The following CDH18 variants were observed in gnomAD, a reference collection of about 807,000 sequenced individuals.
CDH18 encodes cadherin 18.
CDH18 carries 31 observed loss-of-function variants against 67.9 expected under a neutral mutation model. The observed-to-expected ratio is 0.46, with a 90% CI of 0.34 to 0.62. The LOEUF is 0.62. CDH18 is among the 20% of genes least tolerant of loss of function. The probability of loss-of-function intolerance (pLI) is 0.01; values close to 1 mark genes in which losing one functional copy is unlikely to be tolerated. For synonymous variants in CDH18, 362 were observed against 347.2 expected, an observed-to-expected ratio of 1.04 and a Z score of -0.48; for missense variants, 890 against 975.5, an observed-to-expected ratio of 0.91 and a Z score of 1.17.
At chr5:20,435,005 C>A (rs945569072) in intron 1 of CDH18, among the ~76,000 whole-genome samples, 1 of 152,024 alleles carries the variant, frequency 6.6e-6, no homozygotes, top group African/African-American at 2.4e-5. Flanking sequence ...TGTCTTCAAG[C>A]AAGCTATTTT....
intron 2 of CDH18, among the ~76,000 whole-genome samples, chr5:19,908,066 A>G (rs1218876534): frequency 6.6e-6 from 1 of 150,668 alleles, no homozygotes; most frequent in African/African-American, 2.5e-5. Flanking sequence ...CTAGTCTTCT[A>G]TTTGCTTTGT....
chr5:20,383,704 G>T (rs944704558), intron 1 of CDH18, among the ~76,000 whole-genome samples: 2 of 151,872 alleles, frequency 1.3e-5, no homozygotes, highest in Non-Finnish European at 2.9e-5. Flanking sequence ...TATTTTCTTA[G>T]AAACCAAAGA....
intron 3 of CDH18, among the ~76,000 whole-genome samples, chr5:19,748,134 G>GAAAAAAAAAAAAAAAAAAA (rs1554022366): frequency 1.5e-5 from 1 of 67,136 alleles, no homozygotes; most frequent in Non-Finnish European, 2.6e-5. Flanking sequence ...AAAAAAAAAA[G>GAAAAAAAAAAAAAAAAAAA]AGTACTTTTT....
At chr5:19,509,124 C>T (rs1289827302) in intron 10 of CDH18, among the ~76,000 whole-genome samples, 5 of 152,030 alleles carry the variant, frequency 3.3e-5, no homozygotes, top group African/African-American at 7.2e-5. Context: ...CCTCCTTGGC[C>T]TCCCAAAATA....
At chr5:20,124,363 C>G (rs530996002) in intron 2 of CDH18, among the ~76,000 whole-genome samples, 8 of 152,156 alleles carry the variant, frequency 5.3e-5, no homozygotes, top group East Asian at 3.8e-4. Context: ...GCACAGCATG[C>G]CTTTCCATCT....
intron 6 of CDH18, among the ~76,000 whole-genome samples, chr5:19,602,152 T>C (rs1033987361): frequency 1.3e-5 from 2 of 152,030 alleles, no homozygotes; most frequent in African/African-American, 4.8e-5. Context: ...AAGGAAGTAA[T>C]ACAATTATCT....
chr5:20,044,483 T>G (rs1397271013), intron 2 of CDH18, among the ~76,000 whole-genome samples: 2 of 152,166 alleles, frequency 1.3e-5, no homozygotes, highest in Non-Finnish European at 2.9e-5. Flanking sequence ...TCAGTTCTAC[T>G]ATGCTAATTT....
intron 2 of CDH18, among the ~76,000 whole-genome samples, chr5:20,070,566 T>C (rs1418055305): frequency 6.6e-6 from 1 of 152,086 alleles, no homozygotes; most frequent in Non-Finnish European, 1.5e-5. Flanking sequence ...GGCAAACAAT[T>C]AATGGGGTGC....
At chr5:19,781,702 A>G (rs1414730606) in intron 3 of CDH18, among the ~76,000 whole-genome samples, 1 of 152,172 alleles carries the variant, frequency 6.6e-6, no homozygotes, top group African/African-American at 2.4e-5. Flanking sequence ...AGTTTCTAGC[A>G]TACAAATTAA....
chr5:19,905,519 C>T (rs1021619377), intron 2 of CDH18, among the ~76,000 whole-genome samples: 34 of 151,572 alleles, frequency 2.2e-4, no homozygotes, highest in South Asian at 2.1e-4. Flanking sequence ...TATATGTATA[C>T]GTATGATTAG....
At chr5:20,194,349 G>T (rs560833481) in intron 2 of CDH18, among the ~76,000 whole-genome samples, 3 of 151,980 alleles carry the variant, frequency 2.0e-5, no homozygotes, top group African/African-American at 4.8e-5. Context: ...GTCTTGACTC[G>T]AACTGTGGGG....
In CDH18 at chr5:20,121,717, C is replaced by G. The variant is rs570391622; in HGVS notation, c.-517-129703G>C. Among the ~76,000 whole-genome samples, 6 of 152,244 alleles carry G rather than the reference C, an allele frequency of 3.9e-5. No individual in the cohort carries two copies. The East Asian group carries it at 9.7e-4, about 24-fold the overall frequency. On this transcript the variant is annotated intron_variant, in intron 2 of 14. Coordinates refer to the CDH18 transcript ENST00000507958. Reference sequence around the variant, plus strand: ...CTTAAATACACATGTCAGCAGGTCTCCAGCTATGGGAGGAAAATTCTGATG... The same window carrying G: ...CTTAAATACACATGTCAGCAGGTCTGCAGCTATGGGAGGAAAATTCTGATG...
chr5:20,495,720 A>G (rs73764433), intron 1 of CDH18, among the ~76,000 whole-genome samples: 5,040 of 152,256 alleles, frequency 0.033, 270 homozygotes, highest in African/African-American at 0.11. Flanking sequence ...TCTGTTTAAT[A>G]AAAGAGATCT....
chr5:20,415,141 T>C (rs1747180110), intron 1 of CDH18, among the ~76,000 whole-genome samples: 1 of 152,046 alleles, frequency 6.6e-6, no homozygotes, highest in Admixed American at 6.6e-5. Flanking sequence ...ATCCTAGCAC[T>C]TTGGGAGGCT....
At chr5:20,122,032 C>T (rs1386838694) in intron 2 of CDH18, among the ~76,000 whole-genome samples, 1 of 152,130 alleles carries the variant, frequency 6.6e-6, no homozygotes, top group Non-Finnish European at 1.5e-5. Flanking sequence ...TGATCCCTCC[C>T]CCCTCTCACA....
chr5:19,703,121 C>T (rs1254192607), intron 5 of CDH18, among the ~76,000 whole-genome samples: 1 of 152,180 alleles, frequency 6.6e-6, no homozygotes, highest in East Asian at 1.9e-4. Flanking sequence ...CTCCATATTT[C>T]TCTGTGTGTG....
intron 1 of CDH18, among the ~76,000 whole-genome samples, chr5:20,375,460 T>G (rs1487170545): frequency 6.6e-6 from 1 of 152,028 alleles, no homozygotes. Context: ...AAAGTGGTGG[T>G]GGGGGGCAGG....
chr5:20,378,856 A>C (rs1382762235), intron 1 of CDH18, among the ~76,000 whole-genome samples: 1 of 152,094 alleles, frequency 6.6e-6, no homozygotes, highest in African/African-American at 2.4e-5. Context: ...TTCAGTAACA[A>C]AGGGGTTGCA....
At chr5:19,981,428 C>A (rs1799029987) in intron 1 of CDH18, among the ~76,000 whole-genome samples, 1 of 152,122 alleles carries the variant, frequency 6.6e-6, no homozygotes, top group Non-Finnish European at 1.5e-5. Flanking sequence ...AAAGAGCAGG[C>A]ATTTATTTCC....
Sources: gnomAD v4.1 joint callset for allele counts (sites outside exome capture counted in the v4.1 genomes callset) on GRCh38, gnomAD v4.1.1 for gene constraint, MANE v1.5 for transcripts, NCBI Gene and HGNC (gene_info 2026-07-23, HGNC 2026-07-21) for gene names.